The following SFRP1 variants were observed in gnomAD, a reference collection of about 807,000 sequenced individuals.
SFRP1 encodes secreted frizzled related protein 1.
Under a neutral mutation model 25.9 loss-of-function variants are expected in SFRP1, and 9 were observed. The ratio of observed to expected loss-of-function variants is 0.35; its 90% CI spans 0.21 to 0.61. SFRP1 has a LOEUF of 0.61. SFRP1 is among the 20% of genes least tolerant of loss of function. The pLI is 0.78. For missense variants in SFRP1, 346 were observed against 418.2 expected, an observed-to-expected ratio of 0.83 and a Z score of 1.51; for synonymous variants, 178 against 174.0, an observed-to-expected ratio of 1.02 and a Z score of -0.18.
chr8:41,272,448 GA>G (rs1202773307), intron 2 of SFRP1, among the ~76,000 whole-genome samples: 7 of 152,122 alleles, frequency 4.6e-5, no homozygotes, highest in Non-Finnish European at 1.0e-4. Flanking sequence ...CGTCTCTACT[GA>G]AAATACAAAA....
chr8:41,262,939 G>A lies in SFRP1; in HGVS notation c.*2228C>T, dbSNP rs1208571442. On this transcript the variant is annotated 3_prime_UTR_variant, in exon 3 of 3. Coordinates refer to ENST00000220772, the MANE Select transcript of SFRP1 (RefSeq NM_003012.5). ...AGACGGTGGTAAAACCCACAGCTGC[G>A]ATTCACATTTCCAATTTATTTTGAG... 6.6e-6 allele frequency: 1 copy of A among 152,162 alleles called. No individual in the cohort carries two copies. The highest frequency in any genetic ancestry group is 2.4e-5 in the African/African-American group (1 of 41,444). 9.4% of individuals were successfully genotyped at this position (152,162 alleles called of 1,614,324 possible).
intron 2 of SFRP1, among the ~76,000 whole-genome samples, chr8:41,302,518 G>C (rs984776521): frequency 6.6e-6 from 1 of 152,188 alleles, no homozygotes; most frequent in Non-Finnish European, 1.5e-5. Context: ...TAAGAAATCC[G>C]ATCTCAGGGA....
chr8:41,309,044 A>T lies in SFRP1; in HGVS notation c.116T>A (p.Phe39Tyr), dbSNP rs1461443942. The T allele has an allele frequency of 4.4e-6, 7 of 1,606,594 alleles. No homozygotes were observed. The highest frequency in any genetic ancestry group is 5.1e-6 in the Non-Finnish European group (6 of 1,179,798). ...GSASEYDYVS[F>Y]QSDIGPYQSG... ...CTGGTACGGGCCGATGTCCGACTGGAAGCTCACGTAGTCGTACTCGCTGGC... is the reference window on the plus strand; with the variant it reads ...CTGGTACGGGCCGATGTCCGACTGGTAGCTCACGTAGTCGTACTCGCTGGC... Residue 39 changes from phenylalanine (F) to tyrosine (Y), a missense_variant, in exon 1 of 3, where the codon TTC becomes TAC. Transcript: ENST00000220772.
chr8:41,270,428 G>T (rs1803489706), intron 2 of SFRP1, among the ~76,000 whole-genome samples: 1 of 152,100 alleles, frequency 6.6e-6, no homozygotes, highest in Non-Finnish European at 1.5e-5. Context: ...AATGCAGATA[G>T]GGATGCCAGT....
At chr8:41,266,907 A>G (rs1285814800) in intron 2 of SFRP1, among the ~76,000 whole-genome samples, 1 of 152,204 alleles carries the variant, frequency 6.6e-6, no homozygotes, top group African/African-American at 2.4e-5. Context: ...CCTGCATTAA[A>G]CATCAACGTC....
chr8:41,276,643 A>T (rs2117488656), intron 2 of SFRP1, among the ~76,000 whole-genome samples: 1 of 152,354 alleles, frequency 6.6e-6, no homozygotes, highest in Middle Eastern at 3.4e-3. Flanking sequence ...CAAGAACAAA[A>T]AAAACTAAAC....
rs1339126895 is a variant in SFRP1, at chr8:41,279,546, C to T, written c.623-14057G>A. On this transcript the variant is annotated intron_variant, in intron 2 of 2. Coordinates refer to ENST00000220772, the MANE Select transcript of SFRP1 (RefSeq NM_003012.5). Reference sequence around the variant, plus strand: ...ACTTTGATCCAAGAAGCCTGGCTCACAACATATAAACACTACCAGAAGCAA... The same window carrying T: ...ACTTTGATCCAAGAAGCCTGGCTCATAACATATAAACACTACCAGAAGCAA... 2.6e-5 allele frequency among the ~76,000 whole-genome samples: 4 copies of T among 152,218 alleles called. No individual in the cohort carries two copies. In the South Asian group the frequency reaches 6.2e-4, roughly 24 times the overall value.
At chr8:41,304,670 C>A (rs942985947) in intron 1 of SFRP1, among the ~76,000 whole-genome samples, 2 of 152,040 alleles carry the variant, frequency 1.3e-5, no homozygotes, top group Non-Finnish European at 2.9e-5. Flanking sequence ...CCCCATCAGC[C>A]CCCCTTATGG....
chr8:41,292,345 T>C (rs1563364642), intron 2 of SFRP1, among the ~76,000 whole-genome samples: 4 of 152,114 alleles, frequency 2.6e-5, no homozygotes, highest in South Asian at 2.1e-4. Context: ...GACTGGACCA[T>C]AGAGGCAGTT....
chr8:41,292,072 A>C (rs1803786214), intron 2 of SFRP1, among the ~76,000 whole-genome samples: 1 of 152,184 alleles, frequency 6.6e-6, no homozygotes, highest in Admixed American at 6.5e-5. Flanking sequence ...CTTCAAAAGC[A>C]ACACACCCCA....
intron 2 of SFRP1, among the ~76,000 whole-genome samples, chr8:41,282,871 G>A (rs1563362071): frequency 1.3e-5 from 2 of 152,148 alleles, no homozygotes; most frequent in Non-Finnish European, 2.9e-5. Flanking sequence ...AGAAAAGCCA[G>A]AGACAAGCAA....
At chr8:41,288,360 AT>A (rs1803733341) in intron 2 of SFRP1, among the ~76,000 whole-genome samples, 1 of 151,808 alleles carries the variant, frequency 6.6e-6, no homozygotes, top group Admixed American at 6.6e-5. Flanking sequence ...CTCCAAAAAA[AT>A]AAAATGAAAT....
chr8:41,272,135 G>A (rs754624655), intron 2 of SFRP1, among the ~76,000 whole-genome samples: 4 of 151,876 alleles, frequency 2.6e-5, no homozygotes, highest in Non-Finnish European at 5.9e-5. Context: ...GTGAAAGAAA[G>A]GAAATAAATA....
At chr8:41,278,251 T>C (rs1803594143) in intron 2 of SFRP1, among the ~76,000 whole-genome samples, 2 of 152,002 alleles carry the variant, frequency 1.3e-5, no homozygotes, top group African/African-American at 4.8e-5. Context: ...GCTTGCAAAA[T>C]CAAGAAAACA....
chr8:41,278,605 G>C (rs545421330), intron 2 of SFRP1, among the ~76,000 whole-genome samples: 1 of 152,300 alleles, frequency 6.6e-6, no homozygotes, highest in South Asian at 2.1e-4. Context: ...AGATGGCAAT[G>C]CTGCCCAAGC....
chr8:41,276,869 G>C, intron 2 of SFRP1: 1 of 450,872 alleles, frequency 2.2e-6, no homozygotes, highest in Non-Finnish European at 4.5e-6. Context: ...CAACTTTGCA[G>C]AGCCCTCTCC....
chr8:41,266,574 T>C (rs1475650545), intron 2 of SFRP1, among the ~76,000 whole-genome samples: 1 of 151,244 alleles, frequency 6.6e-6, no homozygotes, highest in African/African-American at 2.4e-5. Flanking sequence ...TACCTGGGAT[T>C]GCAGGCATGC....
At chr8:41,295,479 A>C (rs1260379718) in intron 2 of SFRP1, among the ~76,000 whole-genome samples, 1 of 151,932 alleles carries the variant, frequency 6.6e-6, no homozygotes, top group African/African-American at 2.4e-5. Flanking sequence ...CAATGAGCTA[A>C]GATCACACCA....
Position 41,265,123 on chromosome 8 carries a change from C to CACCCCCCCCCA in SFRP1, c.*43_*44insTGGGGGGGGGT. The CACCCCCCCCCA allele has an allele frequency of 2.8e-6, 1 of 354,602 alleles. No homozygotes were observed. Among genetic ancestry groups the CACCCCCCCCCA allele is most frequent in the Non-Finnish European group, 5.6e-6 (1 of 179,004 alleles). The allele number at this position is 354,602 out of a possible 1,614,324, so 22.0% of individuals were successfully genotyped here. ...TTCCCGGGGCACTGTCCCCCCCGCT[C>CACCCCCCCCCA]CCACCCCACCCGAGGCTCCCTCCCC... On this transcript the variant is annotated 3_prime_UTR_variant, in exon 3 of 3. Coordinates refer to ENST00000220772, the MANE Select transcript of SFRP1 (RefSeq NM_003012.5).
Sources: allele counts gnomAD v4.1 joint callset (sites outside exome capture counted in the v4.1 genomes callset), GRCh38; gene constraint gnomAD v4.1.1; transcripts MANE v1.5; gene names NCBI Gene and HGNC (gene_info 2026-07-23, HGNC 2026-07-21).